Variants in PHIP observed in about 807,000 individuals in gnomAD.
The protein encoded by PHIP is PHIP subunit of CUL4-Ring ligase complex.
Under a neutral mutation model 236.8 loss-of-function variants are expected in PHIP, and 54 were observed. That is an observed-to-expected ratio of 0.23 (90% confidence interval 0.18 to 0.29). The LOEUF is 0.29. PHIP is among the 10% of genes least tolerant of loss of function. The pLI is 1.00. For synonymous variants in PHIP, 756 were observed against 718.9 expected (o/e 1.05, Z -0.83); for missense variants, 1,370 against 2,190.8 (o/e 0.63, Z 7.48).
chr6:78,946,783 T>C lies in PHIP; in HGVS notation c.4298A>G (p.Lys1433Arg), dbSNP rs2127682824. 6 of 1,594,212 alleles carry C rather than the reference T, an allele frequency of 3.8e-6. No homozygotes were observed. Among genetic ancestry groups the C allele is most frequent in the Non-Finnish European group, 5.1e-6 (6 of 1,172,162 alleles). ...SDYKSALRFHKRNTITKRRKK... is the reference protein window; with the variant it reads ...SDYKSALRFHRRNTITKRRKK... Reference sequence around the variant, plus strand: ...CCTCCTTTTGGTTATGGTATTTCTTTTATGAAAACGAAGAGCAGATTTATA... The same window carrying C: ...CCTCCTTTTGGTTATGGTATTTCTTCTATGAAAACGAAGAGCAGATTTATA... Residue 1433 changes from lysine (K) to arginine (R), a missense_variant, in exon 37 of 40, where the codon AAA (lysine) becomes AGA (arginine). Lys to Arg is a conservative substitution (Grantham distance 26, BLOSUM62 2). This residue lies in a region of PHIP where 125 missense variants were observed against 235.1 expected (regional missense o/e 0.53). Transcript: ENST00000275034.
intron 15 of PHIP, among the ~76,000 whole-genome samples, chr6:79,009,925 A>C (rs1212405244): frequency 6.6e-6 from 1 of 151,854 alleles, no homozygotes; most frequent in Non-Finnish European, 1.5e-5. Flanking sequence ...GATAATTACT[A>C]AAGTGTATGG....
intron 6 of PHIP, among the ~76,000 whole-genome samples, chr6:79,059,396 A>G (rs1177954506): frequency 6.6e-6 from 1 of 151,698 alleles, no homozygotes; most frequent in Non-Finnish European, 1.5e-5. Context: ...AAAATCTTAA[A>G]AACAATTAGA....
Position 79,078,113 on chromosome 6 carries a change from G to A in PHIP, c.-45C>T, listed in dbSNP as rs760202032. On this transcript the variant is annotated 5_prime_UTR_variant, in exon 1 of 40. Transcript: ENST00000275034. Reference sequence around the variant, plus strand: ...GCCGCCGACGGGACACCCCGCCGCCGAGGGGAAGCGGGGACGGTGCCGCCG... The same window carrying A: ...GCCGCCGACGGGACACCCCGCCGCCAAGGGGAAGCGGGGACGGTGCCGCCG... 3 of 1,598,114 alleles carry A rather than the reference G, an allele frequency of 1.9e-6. No homozygotes were observed. The highest frequency in any genetic ancestry group is 2.6e-6 in the Non-Finnish European group (3 of 1,171,198).
chr6:78,945,379 C>T lies in PHIP; in HGVS notation c.4749G>A (p.Lys1583=), dbSNP rs756812200. 4 of 1,613,650 alleles carry T rather than the reference C, an allele frequency of 2.5e-6. No individual in the cohort carries two copies. In the Admixed American group the frequency reaches 5.0e-5, roughly 20 times the overall value. Residue 1583 remains lysine (K), a synonymous_variant, in exon 39 of 40, where the codon AAG becomes AAA. Coordinates refer to ENST00000275034, the MANE Select transcript of PHIP (RefSeq NM_017934.7). ...NSAKENMEKE[K]PVKRKMKSSV... ...ATGACTTCATTTTACGTTTGACTGG[C>T]TTTTCCTTTTCCATGTTTTCTTTTG...
intron 20 of PHIP, among the ~76,000 whole-genome samples, chr6:78,990,348 A>G (rs1582179668): frequency 6.6e-6 from 1 of 152,224 alleles, no homozygotes; most frequent in Non-Finnish European, 1.5e-5. Context: ...GCCATGACCA[A>G]TTGAAATCTA....
At chr6:79,036,188 C>T (rs777961871) in intron 7 of PHIP, among the ~76,000 whole-genome samples, 55 of 152,196 alleles carry the variant, frequency 3.6e-4, no homozygotes, top group Admixed American at 1.8e-3. Flanking sequence ...ACAAGACTCT[C>T]GCCAGACAGA....
At chr6:79,074,235 A>G (rs1774033929) in intron 4 of PHIP, among the ~76,000 whole-genome samples, 1 of 152,114 alleles carries the variant, frequency 6.6e-6, no homozygotes, top group Non-Finnish European at 1.5e-5. Flanking sequence ...ATTTTAACAG[A>G]TTGGCAAAAC....
chr6:78,969,808 T>C lies in PHIP; in HGVS notation c.3205+27A>G, dbSNP rs940877991. The C allele has an allele frequency of 1.7e-5, 19 of 1,131,994 alleles. No individual in the cohort carries two copies. In the African/African-American group the frequency reaches 2.8e-4, roughly 17 times the overall value. The allele number at this position is 1,131,994 out of a possible 1,614,324, so 70.1% of individuals were successfully genotyped here. ...TAAGAAAAAAAAACCACATCAAACA[T>C]CGATAGCTTCTAAATAAATTACCCA... On this transcript the variant is annotated intron_variant, in intron 27 of 39. Coordinates refer to ENST00000275034, the MANE Select transcript of PHIP (RefSeq NM_017934.7).
intron 7 of PHIP, among the ~76,000 whole-genome samples, chr6:79,038,391 C>T (rs1772047643): frequency 1.3e-5 from 2 of 152,188 alleles, no homozygotes; most frequent in East Asian, 1.9e-4. Flanking sequence ...ATTCTTGAGG[C>T]CTCATCTCCT....
chr6:78,946,623 T>C (rs920348083), intron 37 of PHIP, 88 bp downstream of exon 37: 39 of 1,459,394 alleles, frequency 2.7e-5, no homozygotes, highest in Admixed American at 1.4e-4. Flanking sequence ...ATATAGGGAA[T>C]AGTAAAGGAA....
At chr6:78,951,707 T>G (rs1774162114) in intron 35 of PHIP, among the ~76,000 whole-genome samples, 1 of 152,234 alleles carries the variant, frequency 6.6e-6, no homozygotes, top group Non-Finnish European at 1.5e-5. Context: ...GTTCTCATTA[T>G]TTTGAACATG....
At chr6:79,014,043 ACT>A (rs1770718075) in intron 15 of PHIP, among the ~76,000 whole-genome samples, 1 of 127,232 alleles carries the variant, frequency 7.9e-6, no homozygotes, top group Non-Finnish European at 1.8e-5. Context: ...AATAATTAAC[ACT>A]GTTTTCTAGA....
At chr6:79,050,221 C>G (rs896728620) in intron 6 of PHIP, among the ~76,000 whole-genome samples, 2 of 152,266 alleles carry the variant, frequency 1.3e-5, no homozygotes, top group South Asian at 4.1e-4. Flanking sequence ...ACAGAACACT[C>G]TTACGACGTG....
intron 15 of PHIP, among the ~76,000 whole-genome samples, chr6:79,009,851 CT>C (rs1770479870): frequency 6.6e-6 from 1 of 151,520 alleles, no homozygotes; most frequent in Non-Finnish European, 1.5e-5. Context: ...ATTAACATGC[CT>C]TTTGTACCAA....
chr6:78,978,783 A>G lies in PHIP; in HGVS notation c.2770-72T>C, dbSNP rs981339619. 10 of 1,200,796 alleles carry G rather than the reference A, an allele frequency of 8.3e-6. No individual in the cohort carries two copies. In the Admixed American group the frequency reaches 9.3e-5, roughly 11 times the overall value. 74.4% of individuals were successfully genotyped at this position (1,200,796 alleles called of 1,614,324 possible). On this transcript the variant is annotated intron_variant, in intron 23 of 39. Coordinates refer to ENST00000275034, the MANE Select transcript of PHIP (RefSeq NM_017934.7). ...TTAATCCACAAATCTACTCTTTAAA[A>G]TAACTATAAAGATAATTAAATAAAA...
intron 24 of PHIP, among the ~76,000 whole-genome samples, chr6:78,972,241 C>T (rs984156071): frequency 2.0e-5 from 3 of 152,208 alleles, no homozygotes; most frequent in African/African-American, 7.2e-5. Context: ...AGCAGCCTAA[C>T]TGGGAGGCAC....
intron 35 of PHIP, among the ~76,000 whole-genome samples, chr6:78,950,104 T>C (rs1221766562): frequency 1.3e-5 from 2 of 152,166 alleles, no homozygotes; most frequent in Admixed American, 6.5e-5. Context: ...GGGTGTGAAA[T>C]TTTGTCAAAT....
chr6:79,058,409 T>C (rs1042265591), intron 6 of PHIP, among the ~76,000 whole-genome samples: 7 of 152,162 alleles, frequency 4.6e-5, no homozygotes, highest in African/African-American at 9.6e-5. Flanking sequence ...CGACGTGGCC[T>C]AAAATATTAT....
intron 30 of PHIP, 98 bp downstream of exon 30, chr6:78,962,993 ACTTAGG>A: frequency 5.4e-6 from 5 of 925,424 alleles, no homozygotes; most frequent in Non-Finnish European, 8.1e-6. Context: ...GAAACCACTG[ACTTAGG>A]ATATTGTGAA....
Sources: gnomAD v4.1 joint callset for allele counts (sites outside exome capture counted in the v4.1 genomes callset) on GRCh38, gnomAD v4.1.1 for gene constraint, gnomAD v4.1.1 regional missense constraint, MANE v1.5 for transcripts, NCBI Gene and HGNC (gene_info 2026-07-23, HGNC 2026-07-21) for gene names.